Variants in RADIL observed in about 807,000 individuals in gnomAD.
The protein encoded by RADIL is ras-associating and dilute domain-containing protein.
In RADIL, 99 loss-of-function variants were observed where a neutral mutation model predicts 97.6. That is an observed-to-expected ratio of 1.01 (90% CI 0.86 to 1.20). The LOEUF (loss-of-function observed/expected upper bound fraction) is 1.20, where lower values mean the gene tolerates loss of function less well. Ranked by LOEUF, RADIL falls within the 50% of genes most tolerant of loss-of-function variation. The probability of loss-of-function intolerance (pLI) is 0.00; values close to 1 mark genes in which losing one functional copy is unlikely to be tolerated. For missense variants in RADIL, 1,765 were observed against 1,498.9 expected (o/e 1.18, Z -2.93); for synonymous variants, 803 against 691.8 (o/e 1.16, Z -2.52).
intron 9 of RADIL, chr7:4,808,655 C>T (rs954938306): frequency 2.1e-6 from 2 of 951,714 alleles, no homozygotes; most frequent in South Asian, 4.8e-5. Context: ...CGCCACTGCC[C>T]CTCCGCGTCC....
In RADIL at chr7:4,815,940, A is replaced by G. The variant is rs1305777734; in HGVS notation, c.1966+288T>C. Among the ~76,000 whole-genome samples the G allele has an allele frequency of 2.0e-5, 3 of 152,110 alleles. No homozygotes were observed. Among genetic ancestry groups the G allele is most frequent in the Non-Finnish European group, 1.5e-5 (1 of 67,990 alleles). ...CACCGGGCAGTTCTGGGACAGTCCA[A>G]TGATGCCCTGAGCCCGTTCCCTCCC... On this transcript the variant is annotated intron_variant, in intron 8 of 14. Coordinates refer to ENST00000399583, the MANE Select transcript of RADIL (RefSeq NM_018059.5). This position sits in a 1 kb window ranked among gnomAD's most constrained non-coding sequence, Gnocchi z 8.0.
rs1468027604 is a variant in RADIL, at chr7:4,814,194, A to G, written c.2139+1084T>C. 6.6e-6 allele frequency among the ~76,000 whole-genome samples: 1 copy of G among 152,258 alleles called. No homozygotes were observed. The highest frequency in any genetic ancestry group is 1.5e-5 in the Non-Finnish European group (1 of 68,048). The stretch of plus-strand genomic sequence containing the variant: ...TCCTCATGGGTTTGTGGCATTAAAA[A>G]GCATTGCTTTACTTCTGTTTAGTGA... On this transcript the variant is annotated intron_variant, in intron 9 of 14. Coordinates refer to ENST00000399583, the MANE Select transcript of RADIL (RefSeq NM_018059.5). This position sits in a 1 kb window ranked among gnomAD's most constrained non-coding sequence, Gnocchi z 4.5.
rs761992809 is a variant in RADIL, at chr7:4,816,381, G to A, written c.1813C>T (p.Leu605=). The change falls in exon 8 of 15, where the codon CTG becomes TTG. Residue 605 remains leucine (L), a synonymous_variant. Transcript: ENST00000399583. ...RRESWSSAPE[L]PEELRRVVSV... ...ACCACGCGGCGCAGCTCCTCGGGCA[G>A]TTCGGGGGCCGAGGACCAGCTCTCA... The A allele has an allele frequency of 4.9e-5, 79 of 1,610,052 alleles. No homozygotes were observed. The highest frequency in any genetic ancestry group is 6.4e-5 in the Non-Finnish European group (76 of 1,179,004).
At chr7:4,858,934 G>A (rs866576698) in intron 2 of RADIL, 1 of 152,176 alleles carries the variant, frequency 6.6e-6, no homozygotes, top group Non-Finnish European at 1.5e-5. Flanking sequence ...AATGATTGAG[G>A]ACAAGAGAAT....
chr7:4,810,140 A>C (rs1782498944), intron 9 of RADIL, among the ~76,000 whole-genome samples: 1 of 151,360 alleles, frequency 6.6e-6, no homozygotes, highest in Non-Finnish European at 1.5e-5. Context: ...GGCGTCAGCC[A>C]CCATGCCCGG....
intron 2 of RADIL, among the ~76,000 whole-genome samples, chr7:4,863,715 G>A (rs1391343599): frequency 6.6e-6 from 1 of 152,214 alleles, no homozygotes; most frequent in Non-Finnish European, 1.5e-5. Context: ...TCACCAGGTA[G>A]CAGATTCTTC....
At chr7:4,833,274 G>C (rs1035232682) in intron 4 of RADIL, among the ~76,000 whole-genome samples, 2 of 152,226 alleles carry the variant, frequency 1.3e-5, no homozygotes, top group Non-Finnish European at 2.9e-5. Flanking sequence ...AACAGCGTTT[G>C]GTTTGCAAGT....
chr7:4,862,845 C>G (rs1784049087), intron 2 of RADIL, among the ~76,000 whole-genome samples: 1 of 149,890 alleles, frequency 6.7e-6, no homozygotes, highest in Admixed American at 6.6e-5. Flanking sequence ...TGCGGTGAGC[C>G]AAGATCACAC....
chr7:4,805,399 T>TGGGGC (rs1275415539), intron 10 of RADIL, 167 bp downstream of exon 10: 79 of 743,334 alleles, frequency 1.1e-4, no homozygotes, highest in East Asian at 4.5e-4. Flanking sequence ...AGGTTGGGGA[T>TGGGGC]GGGGCGGGGC....
intron 9 of RADIL, among the ~76,000 whole-genome samples, chr7:4,807,146 GCT>G (rs1162318371): frequency 2.0e-5 from 3 of 151,896 alleles, no homozygotes; most frequent in Non-Finnish European, 4.4e-5. Flanking sequence ...TTGCCTCCTC[GCT>G]CTGTTTCTCT....
In RADIL at chr7:4,819,798, C is replaced by G. The variant is rs1216362995; in HGVS notation, c.1616-2447G>C. ...TATTTCCCACTCTGTTCCCTGGTGC[C>G]TGCCTGGCCCTCGACACCCGGAGCC... On this transcript the variant is annotated intron_variant, in intron 6 of 14. Coordinates refer to ENST00000399583, the MANE Select transcript of RADIL (RefSeq NM_018059.5). The surrounding 1 kb of genome is among the most constrained non-coding windows in gnomAD (Gnocchi z 5.8). Among the ~76,000 whole-genome samples the G allele has an allele frequency of 6.6e-6, 1 of 152,230 alleles. No individual in the cohort carries two copies. The highest frequency in any genetic ancestry group is 2.4e-5 in the African/African-American group (1 of 41,460).
In RADIL at chr7:4,801,686, C is replaced by G. The variant is rs769841031; in HGVS notation, c.2809G>C (p.Gly937Arg). 11 of 1,607,304 alleles carry G rather than the reference C, an allele frequency of 6.8e-6. No individual in the cohort carries two copies. Among genetic ancestry groups the G allele is most frequent in the African/African-American group, 1.3e-5 (1 of 74,800 alleles). The change falls in exon 12 of 15, where the codon GGA becomes CGA. Residue 937 changes from glycine to arginine, a missense_variant. Coordinates refer to ENST00000399583, the MANE Select transcript of RADIL (RefSeq NM_018059.5). ...GCTGCACCCCGGAGGCCGCTGAGTC[C>G]GTTCCTCTGCCTCTCTGGGAGCGCT... is the stretch of plus-strand genomic sequence containing the variant. ...GKALPERQRN[G>R]LSGLRGAAPE...
Position 4,878,822 on chromosome 7 carries a change from C to G in RADIL, c.-64-619G>C, listed in dbSNP as rs1431221952. Among the ~76,000 whole-genome samples the G allele has an allele frequency of 6.6e-6, 1 of 152,250 alleles. No homozygotes were observed. Among genetic ancestry groups the G allele is most frequent in the East Asian group, 1.9e-4 (1 of 5,190 alleles). ...CCCCACCCGGAGCCGGCCCCAGCACCATCACAGCCACAGAAGAGCAGCGGG... is the reference window on the plus strand; with the variant it reads ...CCCCACCCGGAGCCGGCCCCAGCACGATCACAGCCACAGAAGAGCAGCGGG... On this transcript the variant is annotated intron_variant, in intron 1 of 14. Coordinates refer to ENST00000399583, the MANE Select transcript of RADIL (RefSeq NM_018059.5). The surrounding 1 kb of genome is among the most constrained non-coding windows in gnomAD (Gnocchi z 4.1).
At chr7:4,855,691 T>C (rs1583310369) in intron 2 of RADIL, among the ~76,000 whole-genome samples, 1 of 151,190 alleles carries the variant, frequency 6.6e-6, no homozygotes, top group Admixed American at 6.6e-5. Flanking sequence ...TTGTTACTAC[T>C]GAGATTGGGC....
At position 4,867,416 on chromosome 7, in the gene RADIL, G is replaced by A. The variant is rs1784154655; in HGVS notation, c.535+10189C>T. 6.6e-6 allele frequency among the ~76,000 whole-genome samples: 1 copy of A among 152,092 alleles called. No homozygotes were observed. Among genetic ancestry groups the A allele is most frequent in the African/African-American group, 2.4e-5 (1 of 41,392 alleles). ...CTTAAGGAAATGAATATGTAGTATA[G>A]GCATATAATGGAAAACTATGAATCA... On this transcript the variant is annotated intron_variant, in intron 2 of 14. Coordinates refer to ENST00000399583, the MANE Select transcript of RADIL (RefSeq NM_018059.5). The surrounding 1 kb of genome is among the most constrained non-coding windows in gnomAD (Gnocchi z 4.1).
In RADIL at chr7:4,835,661, A is replaced by G. The variant is rs1466657272; in HGVS notation, c.784-422T>C. 6.6e-6 allele frequency among the ~76,000 whole-genome samples: 1 copy of G among 152,150 alleles called. No individual in the cohort carries two copies. Among genetic ancestry groups the G allele is most frequent in the Non-Finnish European group, 1.5e-5 (1 of 68,016 alleles). ...GGAGCACTGCCGCCTGTGTGAGAGC[A>G]CTGCCCCGAGGGAAGATGCCACCTA... On this transcript the variant is annotated intron_variant, in intron 3 of 14. Coordinates refer to ENST00000399583, the MANE Select transcript of RADIL (RefSeq NM_018059.5). This position sits in a 1 kb window ranked among gnomAD's most constrained non-coding sequence, Gnocchi z 5.8.
At chr7:4,868,282 T>G (rs1474937029) in intron 2 of RADIL, among the ~76,000 whole-genome samples, 1 of 152,216 alleles carries the variant, frequency 6.6e-6, no homozygotes, top group Non-Finnish European at 1.5e-5. Context: ...CAGAATGGTC[T>G]CAATCTCCTG....
chr7:4,872,821 T>C lies in RADIL; in HGVS notation c.535+4784A>G, dbSNP rs1163062026. On this transcript the variant is annotated intron_variant, in intron 2 of 14. Transcript: ENST00000399583. The surrounding 1 kb of genome is among the most constrained non-coding windows in gnomAD (Gnocchi z 5.8). The stretch of plus-strand genomic sequence containing the variant: ...GGCAGGAAGCGCCTGGCTGACACCT[T>C]CCCCACCAGACTCTGTAGGGGAGTC... Among the ~76,000 whole-genome samples the C allele has an allele frequency of 6.6e-6, 1 of 152,066 alleles. No homozygotes were observed. The highest frequency in any genetic ancestry group is 2.4e-5 in the African/African-American group (1 of 41,394).
intron 5 of RADIL, among the ~76,000 whole-genome samples, chr7:4,829,950 C>T (rs769955783): frequency 1.4e-4 from 21 of 152,202 alleles, no homozygotes; most frequent in Non-Finnish European, 2.2e-4. Flanking sequence ...ATGGGAATCA[C>T]GCAAACCTCT....
Sources: gnomAD v4.1 joint callset for allele counts (sites outside exome capture counted in the v4.1 genomes callset) on GRCh38, gnomAD v4.1.1 for gene constraint, Gnocchi (gnomAD v3.1) non-coding constraint, MANE v1.5 for transcripts, NCBI Gene and HGNC (gene_info 2026-07-23, HGNC 2026-07-21) for gene names.